The following THSD4 variants were observed in gnomAD, a reference collection of about 807,000 sequenced individuals.
The protein encoded by THSD4 is thrombospondin type 1 domain containing 4.
In THSD4, 69 loss-of-function variants were observed where a neutral mutation model predicts 119.0. The ratio of observed to expected loss-of-function variants is 0.58; its 90% CI spans 0.48 to 0.71. THSD4 has a LOEUF of 0.71. THSD4 is among the 30% of genes least tolerant of loss of function. The probability of loss-of-function intolerance (pLI) is 0.00; values close to 1 mark genes in which losing one functional copy is unlikely to be tolerated. For synonymous variants in THSD4, 524 were observed against 540.4 expected, an observed-to-expected ratio of 0.97 and a Z score of 0.42; for missense variants, 1,393 against 1,391.1, an observed-to-expected ratio of 1.00 and a Z score of -0.02.
Position 71,765,143 on chromosome 15 carries a change from C to G in THSD4, c.2713C>G (p.Gln905Glu). 1 of 1,614,236 alleles carries G rather than the reference C, an allele frequency of 6.2e-7. No individual in the cohort carries two copies. The highest frequency in any genetic ancestry group is 8.5e-7 in the Non-Finnish European group (1 of 1,180,040). ...TTTCCTGGAGAAACCCCCCAGCCAGCAATCCTGCCACCTCAAGCCTTGCGG... is the reference window on the plus strand; with the variant it reads ...TTTCCTGGAGAAACCCCCCAGCCAGGAATCCTGCCACCTCAAGCCTTGCGG... ...CSFLEKPPSQQSCHLKPCGAK... is the reference protein window; with the variant it reads ...CSFLEKPPSQESCHLKPCGAK... The change falls in exon 16 of 18, where the codon CAA becomes GAA. Residue 905 changes from glutamine to glutamate, a missense_variant. Physicochemically the swap from Gln to Glu is conservative, Grantham distance 29 (BLOSUM62 2). Transcript: ENST00000261862.
intron 2 of THSD4, among the ~76,000 whole-genome samples, chr15:71,147,450 G>A (rs903367815): frequency 1.3e-5 from 2 of 152,108 alleles, no homozygotes; most frequent in Non-Finnish European, 2.9e-5. Flanking sequence ...ACAGCAACAC[G>A]TTCTTTAGTG....
intron 7 of THSD4, among the ~76,000 whole-genome samples, chr15:71,515,819 A>G (rs1317898428): frequency 1.3e-5 from 2 of 152,116 alleles, no homozygotes; most frequent in Non-Finnish European, 2.9e-5. Flanking sequence ...AATGGTTCCC[A>G]TTGCCGGAAA....
chr15:71,134,532 C>T (rs1017021260), intron 1 of THSD4, among the ~76,000 whole-genome samples: 1 of 152,236 alleles, frequency 6.6e-6, no homozygotes, highest in African/African-American at 2.4e-5. Context: ...GTAAGAAACT[C>T]GTGCCGTTCA....
At chr15:71,272,128 T>A (rs1038913602) in intron 6 of THSD4, among the ~76,000 whole-genome samples, 2 of 151,726 alleles carry the variant, frequency 1.3e-5, no homozygotes, top group Non-Finnish European at 2.9e-5. Flanking sequence ...AGGGGCTGGG[T>A]GTGGTGGCTC....
chr15:71,231,308 T>C (rs1169937060), intron 4 of THSD4, among the ~76,000 whole-genome samples: 2 of 152,292 alleles, frequency 1.3e-5, no homozygotes, highest in East Asian at 3.9e-4. Flanking sequence ...CTGCTCTGTT[T>C]TATTTTGGCA....
At chr15:71,467,274 C>T (rs569063469) in intron 7 of THSD4, among the ~76,000 whole-genome samples, 10 of 152,298 alleles carry the variant, frequency 6.6e-5, no homozygotes, top group Admixed American at 1.3e-4. Context: ...CCTCGGTTCA[C>T]GGCTGAGCAC....
intron 1 of THSD4, among the ~76,000 whole-genome samples, chr15:71,119,365 C>T (rs1037227497): frequency 1.3e-5 from 2 of 152,182 alleles, no homozygotes; most frequent in African/African-American, 2.4e-5. Context: ...GCGATTCTTC[C>T]GCACACCCAG....
intron 1 of THSD4, chr15:71,097,113 T>C (rs991006200): frequency 6.6e-6 from 1 of 152,224 alleles, no homozygotes; most frequent in African/African-American, 2.4e-5. Context: ...TTTGTCAAAA[T>C]AGGCTGATTC....
At chr15:71,462,537 A>G (rs2047443472) in intron 7 of THSD4, among the ~76,000 whole-genome samples, 1 of 152,236 alleles carries the variant, frequency 6.6e-6, no homozygotes, top group Non-Finnish European at 1.5e-5. Context: ...ACTTTAATAT[A>G]TTCAGTGATA....
rs756486816 is a variant in THSD4 at position 71,441,708 on chromosome 15, TAAG to T, written c.1152+29890_1152+29892del. ...ATGTCCAGCCTCACCTGTAGAACTT[TAAG>T]AAGATATAGTAACATGCAGTAGGAC... On this transcript the variant is annotated intron_variant, in intron 7 of 17. Coordinates refer to ENST00000261862, the MANE Select transcript of THSD4 (RefSeq NM_024817.3). 2.5e-3 allele frequency among the ~76,000 whole-genome samples: 383 copies of T among 151,900 alleles called. 1 individual carries two copies. Among genetic ancestry groups the T allele is most frequent in the Non-Finnish European group, 4.2e-3 (288 of 67,922 alleles).
chr15:71,568,046 T>C (rs1025717281), intron 7 of THSD4, among the ~76,000 whole-genome samples: 1 of 152,316 alleles, frequency 6.6e-6, no homozygotes, highest in Non-Finnish European at 1.5e-5. Flanking sequence ...TTAAGTTCCT[T>C]TCTTGGTATA....
At chr15:71,770,723 G>A (rs1159473420) in intron 16 of THSD4, among the ~76,000 whole-genome samples, 1 of 152,198 alleles carries the variant, frequency 6.6e-6, no homozygotes, top group Non-Finnish European at 1.5e-5. Context: ...ATATTGAAGA[G>A]AATAAGAAAT....
intron 3 of THSD4, among the ~76,000 whole-genome samples, chr15:71,170,051 G>A (rs1350145535): frequency 6.6e-6 from 1 of 152,154 alleles, no homozygotes; most frequent in African/African-American, 2.4e-5. Flanking sequence ...GTGAGTGCCT[G>A]TAATCCCAGC....
At chr15:71,574,953 A>G (rs779453031) in intron 7 of THSD4, among the ~76,000 whole-genome samples, 1 of 152,218 alleles carries the variant, frequency 6.6e-6, no homozygotes, top group Non-Finnish European at 1.5e-5. Context: ...GGACCACAGC[A>G]TTATAGTCTT....
At chr15:71,741,775 C>T (rs1484306381) in intron 11 of THSD4, among the ~76,000 whole-genome samples, 1 of 152,076 alleles carries the variant, frequency 6.6e-6, no homozygotes, top group Admixed American at 6.5e-5. Flanking sequence ...TCTAGCTCTT[C>T]TTTACCCAGT....
intron 7 of THSD4, among the ~76,000 whole-genome samples, chr15:71,609,595 A>G (rs897193712): frequency 6.6e-6 from 1 of 152,130 alleles, no homozygotes; most frequent in Admixed American, 6.5e-5. Context: ...GCTCACGCCT[A>G]TAATCCCAGC....
At chr15:71,367,012 T>C (rs968874639) in intron 6 of THSD4, among the ~76,000 whole-genome samples, 1 of 152,184 alleles carries the variant, frequency 6.6e-6, no homozygotes, top group African/African-American at 2.4e-5. Context: ...ACATATTCCA[T>C]CTTCTGTGTG....
At chr15:71,623,101 T>C (rs974778903) in intron 7 of THSD4, among the ~76,000 whole-genome samples, 4 of 152,132 alleles carry the variant, frequency 2.6e-5, no homozygotes, top group Non-Finnish European at 1.5e-5. Flanking sequence ...AAAAGCCATA[T>C]TTTAAGAAAA....
At chr15:71,284,686 T>C (rs2044695113) in intron 6 of THSD4, among the ~76,000 whole-genome samples, 1 of 152,138 alleles carries the variant, frequency 6.6e-6, no homozygotes, top group African/African-American at 2.4e-5. Context: ...TCTCAAACCT[T>C]TTCATATTAG....
Sources: allele counts gnomAD v4.1 joint callset (sites outside exome capture counted in the v4.1 genomes callset), GRCh38; gene constraint gnomAD v4.1.1; transcripts MANE v1.5; gene names NCBI Gene and HGNC (gene_info 2026-07-23, HGNC 2026-07-21).